RANBP2: variants seen among roughly 807,000 people sequenced by gnomAD.
The protein encoded by RANBP2 is E3 SUMO-protein ligase RanBP2.
RANBP2 carries 57 observed loss-of-function variants against 303.6 expected under a neutral mutation model. The ratio of observed to expected loss-of-function variants is 0.19; its 90% confidence interval spans 0.15 to 0.23. The LOEUF (loss-of-function observed/expected upper bound fraction) is 0.23, where lower values mean the gene tolerates loss of function less well. Among genes scored for constraint, RANBP2 ranks in the 10% least tolerant of loss-of-function variants. The probability of loss-of-function intolerance (pLI) is 1.00; values close to 1 mark genes in which losing one functional copy is unlikely to be tolerated. For synonymous variants in RANBP2, 1,167 were observed against 1,301.5 expected, an observed-to-expected ratio of 0.90 and a Z score of 2.23; for missense variants, 3,138 against 3,780.8, an observed-to-expected ratio of 0.83 and a Z score of 4.46.
chr2:109,576,048 G>A, the RANBP2 span, among the ~76,000 whole-genome samples: 1 of 151,996 alleles, frequency 6.6e-6, no homozygotes, highest in Non-Finnish European at 1.5e-5. Context: ...CTTGAGGCCA[G>A]GAGTTCAAGA....
the RANBP2 span, among the ~76,000 whole-genome samples, chr2:109,542,070 G>A: frequency 6.6e-6 from 1 of 152,212 alleles, no homozygotes; most frequent in Non-Finnish European, 1.5e-5. Context: ...GTTAGTTAGA[G>A]ACAACTGTTT....
At chr2:108,775,593 G>C in intron 23 of RANBP2, 139 bp from the exon 24 acceptor site, 1 of 812,434 alleles carries the variant, frequency 1.2e-6, no homozygotes, top group East Asian at 2.6e-5. Context: ...TATAGGTTTT[G>C]AGGAGAGATA....
chr2:109,481,230 C>T, the RANBP2 span, among the ~76,000 whole-genome samples: 1 of 152,184 alleles, frequency 6.6e-6, no homozygotes, highest in African/African-American at 2.4e-5. Context: ...GGCGAGGGTC[C>T]CCCCACACAG....
At chr2:108,810,903 C>T in the RANBP2 span, among the ~76,000 whole-genome samples, 8 of 152,066 alleles carry the variant, frequency 5.3e-5, no homozygotes, top group African/African-American at 1.9e-4. Flanking sequence ...CTTCTTGGTT[C>T]AGTCTTACGT....
At chr2:108,827,369 A>C in the RANBP2 span, among the ~76,000 whole-genome samples, 1 of 152,192 alleles carries the variant, frequency 6.6e-6, no homozygotes, top group Non-Finnish European at 1.5e-5. Flanking sequence ...AAATAAATAA[A>C]AGAGAAAATG....
chr2:109,676,944 G>C, the RANBP2 span, among the ~76,000 whole-genome samples: 2 of 152,102 alleles, frequency 1.3e-5, no homozygotes, highest in South Asian at 4.1e-4. Flanking sequence ...ATTTGAATTT[G>C]AGAAAAAAAT....
chr2:109,460,796 C>T, the RANBP2 span, among the ~76,000 whole-genome samples: 2 of 152,372 alleles, frequency 1.3e-5, no homozygotes, highest in South Asian at 4.1e-4. Flanking sequence ...AATCATTAAA[C>T]AATCACACTT....
At chr2:109,303,868 C>T in the RANBP2 span, among the ~76,000 whole-genome samples, 3 of 152,104 alleles carry the variant, frequency 2.0e-5, no homozygotes, top group Non-Finnish European at 4.4e-5. Flanking sequence ...TCGCCTCCTG[C>T]CTCCTTTGTT....
the RANBP2 span, among the ~76,000 whole-genome samples, chr2:109,096,788 T>G: frequency 6.7e-6 from 1 of 148,408 alleles, no homozygotes; most frequent in Admixed American, 7.0e-5. Flanking sequence ...TACAGCTTTT[T>G]TTTTGGAAAC....
chr2:109,137,068 T>C, the RANBP2 span, among the ~76,000 whole-genome samples: 2 of 152,222 alleles, frequency 1.3e-5, no homozygotes, highest in South Asian at 4.1e-4. Context: ...TCTCTATTTA[T>C]AATGAAATGT....
At chr2:108,964,244 A>G in the RANBP2 span, among the ~76,000 whole-genome samples, 1 of 152,114 alleles carries the variant, frequency 6.6e-6, no homozygotes, top group Admixed American at 6.5e-5. Flanking sequence ...TCCTGGGGAA[A>G]CTGAGACTCT....
At chr2:109,332,357 G>T in the RANBP2 span, among the ~76,000 whole-genome samples, 1 of 152,106 alleles carries the variant, frequency 6.6e-6, no homozygotes, top group East Asian at 1.9e-4. Flanking sequence ...TGCTGCACTT[G>T]CTCCTTCCTT....
the RANBP2 span, among the ~76,000 whole-genome samples, chr2:109,325,532 T>G: frequency 1.3e-5 from 2 of 151,932 alleles, no homozygotes; most frequent in African/African-American, 4.8e-5. Context: ...GGTTCCCCGC[T>G]TCCCCCAGTG....
At chr2:109,179,498 A>G in the RANBP2 span, among the ~76,000 whole-genome samples, 1 of 152,164 alleles carries the variant, frequency 6.6e-6, no homozygotes, top group African/African-American at 2.4e-5. Flanking sequence ...TATAATACCA[A>G]AGAGTGGGTA....
At chr2:109,496,651 A>T in the RANBP2 span, among the ~76,000 whole-genome samples, 80,157 of 151,960 alleles carry the variant, frequency 0.53, 21,562 homozygotes, top group East Asian at 0.69. Context: ...TGTGAGTTAT[A>T]TGGCTTTGTT....
At chr2:109,661,938 GT>G in the RANBP2 span, among the ~76,000 whole-genome samples, 3 of 152,124 alleles carry the variant, frequency 2.0e-5, no homozygotes, top group Non-Finnish European at 4.4e-5. Flanking sequence ...CTTCCAGTAA[GT>G]TTTTGGTGGT....
chr2:109,279,766 C>T, the RANBP2 span, among the ~76,000 whole-genome samples: 9 of 152,022 alleles, frequency 5.9e-5, no homozygotes, highest in African/African-American at 2.2e-4. Flanking sequence ...ACTTCGCAGA[C>T]GCTGACCTCG....
chr2:109,170,236 TCTTTTCTTTTCTCTTCTCTTCTCTTCTC>T, the RANBP2 span, among the ~76,000 whole-genome samples: 3 of 38,764 alleles, frequency 7.7e-5, no homozygotes, highest in Non-Finnish European at 1.5e-4. Flanking sequence ...TCTCTTCTCT[TCTTTTCTTTTCTCTTCTCTTCTCTTCTC>T]TTCTCTTCTC....
the RANBP2 span, among the ~76,000 whole-genome samples, chr2:109,145,949 A>T: frequency 6.6e-6 from 1 of 152,036 alleles, no homozygotes; most frequent in Non-Finnish European, 1.5e-5. Flanking sequence ...CTCCCCACAC[A>T]TTGTTGCTGT....
Sources: allele counts gnomAD v4.1 joint callset (sites outside exome capture counted in the v4.1 genomes callset), GRCh38; gene constraint gnomAD v4.1.1; transcripts MANE v1.5; gene names NCBI Gene and HGNC (gene_info 2026-07-23, HGNC 2026-07-21).